Variants in KLHL29 observed in about 807,000 individuals in gnomAD.
KLHL29 encodes kelch like family member 29.
A neutral mutation model predicts 80.4 loss-of-function variants in KLHL29; 21 were observed. The observed-to-expected ratio is 0.26, with a 90% CI of 0.19 to 0.38. The LOEUF is 0.38. KLHL29 is among the 10% of genes least tolerant of loss of function. The probability of loss-of-function intolerance (pLI) is 1.00; values close to 1 mark genes in which losing one functional copy is unlikely to be tolerated. For missense variants in KLHL29, 867 were observed against 1,223.9 expected (o/e 0.71, Z 4.35); for synonymous variants, 511 against 526.8 (o/e 0.97, Z 0.41).
At chr2:23,485,087 A>T (rs1448184263) in intron 2 of KLHL29, among the ~76,000 whole-genome samples, 1 of 152,114 alleles carries the variant, frequency 6.6e-6, no homozygotes, top group African/African-American at 2.4e-5. Flanking sequence ...CCCAAGGCTC[A>T]TTCCCACCCC....
chr2:23,389,052 C>T (rs1338492086), intron 1 of KLHL29, among the ~76,000 whole-genome samples: 1 of 132,772 alleles, frequency 7.5e-6, no homozygotes, highest in Non-Finnish European at 1.5e-5. Flanking sequence ...TTTGTGTCAT[C>T]GGTTGTATCT....
chr2:23,474,051 C>T (rs1664566328), intron 1 of KLHL29, among the ~76,000 whole-genome samples: 1 of 152,182 alleles, frequency 6.6e-6, no homozygotes, highest in South Asian at 2.1e-4. Context: ...GCACCCTACC[C>T]TGCTCCATTT....
intron 1 of KLHL29, among the ~76,000 whole-genome samples, chr2:23,449,190 C>T (rs1450276047): frequency 1.3e-5 from 2 of 152,092 alleles, no homozygotes; most frequent in African/African-American, 4.8e-5. Flanking sequence ...TCTCCATATT[C>T]TGTTTCTTCA....
At position 23,537,050 on chromosome 2, in the gene KLHL29, C is replaced by G. The variant is rs928534375; in HGVS notation, c.-45-25102C>G. ...GTTACGTCCCTGTTCTTGGCAGAAA[C>G]TTGAGGTGCACATGCTACTCTGGTC... On this transcript the variant is annotated intron_variant, in intron 2 of 13. Coordinates refer to ENST00000486442, the MANE Select transcript of KLHL29 (RefSeq NM_052920.2). Among the ~76,000 whole-genome samples, 3 of 152,100 alleles carry G rather than the reference C, an allele frequency of 2.0e-5. No individual in the cohort carries two copies. The East Asian group carries it at 5.8e-4, about 29-fold the overall frequency.
At position 23,684,560 on chromosome 2, in the gene KLHL29, G is replaced by T; in HGVS notation, c.1079+23G>T. 1 of 1,538,688 alleles carries T rather than the reference G, an allele frequency of 6.5e-7. No individual in the cohort carries two copies. ...AAGGTTTGCCTTCCTTCCAGCTGTGGTCGGGTCTGTTCCTTTGTAGGACGC... is the reference window on the plus strand; with the variant it reads ...AAGGTTTGCCTTCCTTCCAGCTGTGTTCGGGTCTGTTCCTTTGTAGGACGC... On this transcript the variant is annotated intron_variant, in intron 6 of 13. Transcript: ENST00000486442. The surrounding 1 kb of genome is among the most constrained non-coding windows in gnomAD (Gnocchi z 4.4).
At chr2:23,403,833 C>T (rs1317143334) in intron 1 of KLHL29, among the ~76,000 whole-genome samples, 2 of 150,104 alleles carry the variant, frequency 1.3e-5, no homozygotes, top group East Asian at 2.0e-4. Flanking sequence ...AGAAAAAGAG[C>T]GTGTGTGCGT....
chr2:23,543,398 G>T (rs1200617652), intron 2 of KLHL29, among the ~76,000 whole-genome samples: 1 of 152,162 alleles, frequency 6.6e-6, no homozygotes, highest in Non-Finnish European at 1.5e-5. Context: ...GTGCGGGAGG[G>T]TTAAATGTAA....
intron 3 of KLHL29, among the ~76,000 whole-genome samples, chr2:23,595,997 A>G (rs763939033): frequency 5.1e-4 from 78 of 151,524 alleles, no homozygotes; most frequent in Non-Finnish European, 1.0e-3. Context: ...AGGTTTTCAC[A>G]CTCCCCGTGG....
chr2:23,446,502 A>T (rs1663687159), intron 1 of KLHL29, among the ~76,000 whole-genome samples: 1 of 152,192 alleles, frequency 6.6e-6, no homozygotes, highest in Non-Finnish European at 1.5e-5. Flanking sequence ...GTGGAGTGGC[A>T]CGTCTATTCC....
intron 5 of KLHL29, among the ~76,000 whole-genome samples, chr2:23,671,582 A>C (rs1164470210): frequency 6.6e-6 from 1 of 152,120 alleles, no homozygotes; most frequent in Non-Finnish European, 1.5e-5. Context: ...TTTCCAAAGC[A>C]CACCGTTCCT....
At chr2:23,511,535 A>G (rs1034861338) in intron 2 of KLHL29, among the ~76,000 whole-genome samples, 2 of 152,194 alleles carry the variant, frequency 1.3e-5, no homozygotes, top group African/African-American at 4.8e-5. Context: ...CACAGAGATG[A>G]TTCGAGGCTG....
At chr2:23,677,656 G>A (rs4665237) in intron 5 of KLHL29, among the ~76,000 whole-genome samples, 3 of 151,730 alleles carry the variant, frequency 2.0e-5, no homozygotes, top group African/African-American at 2.4e-5. Flanking sequence ...TGATCAGACC[G>A]GGGAGGGAGG....
At chr2:23,421,691 CTG>C (rs1662811743) in intron 1 of KLHL29, among the ~76,000 whole-genome samples, 1 of 142,964 alleles carries the variant, frequency 7.0e-6, no homozygotes, top group African/African-American at 2.6e-5. Context: ...GTGTGTGTGA[CTG>C]TGTATGTGTG....
chr2:23,423,470 C>T (rs767510311), intron 1 of KLHL29, among the ~76,000 whole-genome samples: 3 of 152,232 alleles, frequency 2.0e-5, no homozygotes, highest in Non-Finnish European at 4.4e-5. Context: ...ACTTCTTAAG[C>T]AGTGTCACAG....
intron 1 of KLHL29, among the ~76,000 whole-genome samples, chr2:23,401,234 G>T (rs901555701): frequency 3.3e-5 from 5 of 152,160 alleles, no homozygotes; most frequent in African/African-American, 1.2e-4. Flanking sequence ...GGTGGGCTGT[G>T]GTCACTGGGG....
intron 3 of KLHL29, among the ~76,000 whole-genome samples, chr2:23,598,039 G>A (rs1239246943): frequency 6.6e-6 from 1 of 152,212 alleles, no homozygotes; most frequent in African/African-American, 2.4e-5. Flanking sequence ...AAGTCAGTGA[G>A]AGATGAGGCT....
At chr2:23,482,857 AT>A in intron 2 of KLHL29, among the ~76,000 whole-genome samples, 7 of 151,528 alleles carry the variant, frequency 4.6e-5, no homozygotes, top group African/African-American at 1.5e-4. Flanking sequence ...TCATTCATTC[AT>A]TCATTCATTC....
In KLHL29 at chr2:23,466,883, C is replaced by G. The variant is rs77634674; in HGVS notation, c.-153-8677C>G. On this transcript the variant is annotated intron_variant, in intron 1 of 13. Transcript: ENST00000486442. ...AAGACTGGGTTGGGATGTTATCTGA[C>G]CTTTCTGGGGGACTTTCCTGGAAGC... Among the ~76,000 whole-genome samples the G allele has an allele frequency of 4.2e-3, 646 of 152,246 alleles. 2 individuals carry two copies. Among genetic ancestry groups the G allele is most frequent in the Non-Finnish European group, 7.5e-3 (509 of 68,016 alleles).
At chr2:23,481,751 A>G (rs1664803201) in intron 2 of KLHL29, among the ~76,000 whole-genome samples, 1 of 152,206 alleles carries the variant, frequency 6.6e-6, no homozygotes, top group African/African-American at 2.4e-5. Flanking sequence ...CGCTGTCTCT[A>G]CTAGAAAATA....
Sources: gnomAD v4.1 joint callset for allele counts (sites outside exome capture counted in the v4.1 genomes callset) on GRCh38, gnomAD v4.1.1 for gene constraint, Gnocchi (gnomAD v3.1) non-coding constraint, MANE v1.5 for transcripts, NCBI Gene and HGNC (gene_info 2026-07-23, HGNC 2026-07-21) for gene names.